The following LRRK1 variants were observed in gnomAD, a reference collection of about 807,000 sequenced individuals.
LRRK1 encodes leucine-rich repeat serine/threonine-protein kinase 1.
A neutral mutation model predicts 209.1 loss-of-function variants in LRRK1; 113 were observed. The observed-to-expected ratio is 0.54, with a 90% CI of 0.46 to 0.63. LRRK1 has a LOEUF of 0.63. Among genes scored for constraint, LRRK1 ranks in the 30% least tolerant of loss-of-function variants. The probability of loss-of-function intolerance (pLI) is 0.00; values close to 1 mark genes in which losing one functional copy is unlikely to be tolerated. For missense variants in LRRK1, 2,284 were observed against 2,632.2 expected (o/e 0.87, Z 2.89); for synonymous variants, 1,144 against 1,099.7 (o/e 1.04, Z -0.80).
chr15:101,055,517 AGGTCT>A (rs1188494863), intron 27 of LRRK1, among the ~76,000 whole-genome samples: 1 of 152,186 alleles, frequency 6.6e-6, no homozygotes, highest in Non-Finnish European at 1.5e-5. Context: ...AGAGAGAAAC[AGGTCT>A]GGATTTGGGC....
intron 9 of LRRK1, 39 bp from the exon 10 acceptor site, chr15:101,011,969 C>T (rs778593223): frequency 2.7e-6 from 4 of 1,485,724 alleles, no homozygotes; most frequent in South Asian, 1.2e-5. Context: ...ATTTAAAGAG[C>T]TAACTAATAT....
chr15:101,059,553 T>TGCTTGTGG (rs2036031704), intron 29 of LRRK1, among the ~76,000 whole-genome samples: 2 of 147,142 alleles, frequency 1.4e-5, no homozygotes, highest in African/African-American at 4.9e-5. Flanking sequence ...TCTAAGATGC[T>TGCTTGTGG]GCTTGTGGTT....
chr15:100,998,179 CAAA>C (rs536380783), intron 6 of LRRK1, among the ~76,000 whole-genome samples: 6 of 88,834 alleles, frequency 6.8e-5, no homozygotes, highest in Non-Finnish European at 2.4e-5. Flanking sequence ...GACTCTGTCT[CAAA>C]AAAAAAAAAA....
Position 100,983,671 on chromosome 15 carries a change from T to A in LRRK1, c.405T>A (p.Val135=). 3 of 1,608,828 alleles carry A rather than the reference T, an allele frequency of 1.9e-6. No homozygotes were observed. The highest frequency in any genetic ancestry group is 2.5e-6 in the Non-Finnish European group (3 of 1,176,652). The part of the protein sequence containing the change: ...VVAAYFGHTA[V]VQELLESLPG... Reference sequence around the variant, plus strand: ...CAGCGTATTTTGGACACACGGCAGTTGTGCAGGAATTGCTTGAGTCCTTAC... The same window carrying A: ...CAGCGTATTTTGGACACACGGCAGTAGTGCAGGAATTGCTTGAGTCCTTAC... The change falls in exon 4 of 34, where the codon GTT becomes GTA. Residue 135 remains valine (V), a synonymous_variant. Coordinates refer to ENST00000388948, the MANE Select transcript of LRRK1 (RefSeq NM_024652.6).
intron 6 of LRRK1, among the ~76,000 whole-genome samples, chr15:100,997,150 G>A (rs900282523): frequency 9.9e-5 from 15 of 151,994 alleles, no homozygotes; most frequent in Non-Finnish European, 2.9e-5. Context: ...AGTTATAAGA[G>A]GGAGATGACT....
chr15:101,003,889 T>TAG (rs1567225753), intron 6 of LRRK1, among the ~76,000 whole-genome samples: 2 of 152,046 alleles, frequency 1.3e-5, no homozygotes, highest in African/African-American at 4.8e-5. Flanking sequence ...CACATTCCAG[T>TAG]AGGGAGGCGG....
rs146929845 is a variant in LRRK1, at chr15:100,947,028, G to A, written c.97+22299G>A. On this transcript the variant is annotated intron_variant, in intron 2 of 33. Transcript: ENST00000388948. ...CTCTGTCACCAGGCTGGAGTGCAGT[G>A]TCACGATCTCAGCTCACTGCAACCT... is the stretch of plus-strand genomic sequence containing the variant. Among the ~76,000 whole-genome samples the A allele has an allele frequency of 5.7e-4, 87 of 151,938 alleles. 3 individuals carry two copies. The East Asian group carries it at 0.013, about 23-fold the overall frequency.
intron 12 of LRRK1, among the ~76,000 whole-genome samples, chr15:101,018,442 G>C (rs1159118032): frequency 6.6e-6 from 1 of 152,156 alleles, no homozygotes; most frequent in Non-Finnish European, 1.5e-5. Context: ...TGCCAGGCGG[G>C]ATGATGGGTA....
In LRRK1 at chr15:101,015,306, T is replaced by C; in HGVS notation, c.1533-20T>C. 1 of 1,604,138 alleles carries C rather than the reference T, an allele frequency of 6.2e-7. No individual in the cohort carries two copies. The highest frequency in any genetic ancestry group is 1.7e-5 in the Admixed American group (1 of 59,858). On this transcript the variant is annotated intron_variant, in intron 11 of 33. Coordinates refer to ENST00000388948, the MANE Select transcript of LRRK1 (RefSeq NM_024652.6). ...TTTGTCGTGCTGTCCTCAAATTTTG[T>C]CTCTTTTTCCTCCCCCCAGAAATGA...
intron 6 of LRRK1, among the ~76,000 whole-genome samples, chr15:100,998,193 AAAAG>A (rs1257302032): frequency 6.6e-6 from 1 of 151,984 alleles, no homozygotes; most frequent in Non-Finnish European, 1.5e-5. Context: ...AAAAAAAAAA[AAAAG>A]AAAGGAAGCC....
intron 2 of LRRK1, among the ~76,000 whole-genome samples, chr15:100,973,115 G>A (rs2031036139): frequency 6.6e-6 from 1 of 152,330 alleles, no homozygotes; most frequent in Admixed American, 6.5e-5. Flanking sequence ...TGCCGTGGCC[G>A]CCCCGTGAGT....
intron 29 of LRRK1, 61 bp downstream of exon 29, chr15:101,058,202 C>A (rs1407667678): frequency 1.9e-6 from 3 of 1,547,018 alleles, no homozygotes; most frequent in Non-Finnish European, 2.7e-6. Flanking sequence ...GCCGTGGAAT[C>A]TGGGAACACA....
At chr15:101,063,995 G>A (rs2036366208) in intron 31 of LRRK1, among the ~76,000 whole-genome samples, 1 of 152,258 alleles carries the variant, frequency 6.6e-6, no homozygotes, top group African/African-American at 2.4e-5. Flanking sequence ...CGACCAGAGG[G>A]AATAAAGCCT....
rs370654470 is a variant in LRRK1, at chr15:101,014,402, G to A, written c.1506G>A (p.Leu502=). Residue 502 remains leucine, a synonymous_variant, in exon 11 of 34, where the codon CTG becomes CTA. Coordinates refer to ENST00000388948, the MANE Select transcript of LRRK1 (RefSeq NM_024652.6). ...EKWTCRQLKT[L]DLSRNQLGKN... is the part of the protein sequence containing the mutation. ...GGACCTGCAGGCAGCTCAAAACCCT[G>A]GATCTCTCCAGAAACCAACTTGGCA... is the stretch of plus-strand genomic sequence containing the variant. 6.2e-6 allele frequency: 10 copies of A among 1,613,794 alleles called. No individual in the cohort carries two copies. The African/African-American group carries it at 1.2e-4, about 19-fold the overall frequency.
intron 2 of LRRK1, among the ~76,000 whole-genome samples, chr15:100,971,424 G>A (rs935173318): frequency 1.4e-4 from 21 of 152,222 alleles, no homozygotes; most frequent in African/African-American, 3.6e-4. Context: ...CAGAGAGGCA[G>A]CACAAAGATG....
chr15:100,940,927 T>A (rs1163468687), intron 2 of LRRK1, among the ~76,000 whole-genome samples: 1 of 152,250 alleles, frequency 6.6e-6, no homozygotes, highest in Non-Finnish European at 1.5e-5. Flanking sequence ...GCAGGCCCTC[T>A]GACCTGGCTA....
intron 29 of LRRK1, among the ~76,000 whole-genome samples, chr15:101,058,552 C>A (rs1460382515): frequency 1.4e-5 from 2 of 142,162 alleles, no homozygotes; most frequent in Admixed American, 7.6e-5. Context: ...CGAAATGAGG[C>A]CTGTCGGCCT....
Position 101,024,759 on chromosome 15 carries a change from T to A in LRRK1, c.2068-44T>A. On this transcript the variant is annotated intron_variant, in intron 15 of 33. Coordinates refer to ENST00000388948, the MANE Select transcript of LRRK1 (RefSeq NM_024652.6). This position sits in a 1 kb window ranked among gnomAD's most constrained non-coding sequence, Gnocchi z 4.6. Reference sequence around the variant, plus strand: ...TCTCCGTTTGATTGACTGAAGCCTTTGTCTCTAAAATGCCTCCCTGTCGCT... The same window carrying A: ...TCTCCGTTTGATTGACTGAAGCCTTAGTCTCTAAAATGCCTCCCTGTCGCT... The A allele has an allele frequency of 1.3e-6, 2 of 1,593,354 alleles. No individual in the cohort carries two copies. Among genetic ancestry groups the A allele is most frequent in the Non-Finnish European group, 8.6e-7 (1 of 1,164,442 alleles).
At chr15:100,934,472 A>G (rs965144976) in intron 2 of LRRK1, among the ~76,000 whole-genome samples, 8 of 152,044 alleles carry the variant, frequency 5.3e-5, no homozygotes, top group East Asian at 1.9e-4. Flanking sequence ...CAGGGCTTCC[A>G]GTTGTAGCAG....
Sources: allele counts gnomAD v4.1 joint callset (sites outside exome capture counted in the v4.1 genomes callset), GRCh38; gene constraint gnomAD v4.1.1; non-coding constraint Gnocchi (gnomAD v3.1); transcripts MANE v1.5; gene names NCBI Gene and HGNC (gene_info 2026-07-23, HGNC 2026-07-21).